The following COL22A1 variants were observed in gnomAD, a reference collection of about 807,000 sequenced individuals.
COL22A1 encodes collagen type XXII alpha 1 chain, also known as collagen alpha-1(XXII) chain.
Under a neutral mutation model 248.9 loss-of-function variants are expected in COL22A1, and 221 were observed. That is an observed-to-expected ratio of 0.89 (90% CI 0.80 to 0.99). COL22A1 has a LOEUF of 0.99. Ranked by LOEUF, COL22A1 falls within the 50% of genes least tolerant of loss-of-function variation. COL22A1 has a pLI of 0.00. For synonymous variants in COL22A1, 891 were observed against 793.4 expected (o/e 1.12, Z -2.07); for missense variants, 2,240 against 2,179.0 (o/e 1.03, Z -0.56).
chr8:138,737,915 CT>C (rs1831247307), intron 22 of COL22A1, among the ~76,000 whole-genome samples: 1 of 152,136 alleles, frequency 6.6e-6, no homozygotes, highest in African/African-American at 2.4e-5. Context: ...TTGGAAACAA[CT>C]AATCTTACTA....
At chr8:138,709,401 A>C (rs1426935518) in intron 30 of COL22A1, among the ~76,000 whole-genome samples, 1 of 152,126 alleles carries the variant, frequency 6.6e-6, no homozygotes, top group Non-Finnish European at 1.5e-5. Flanking sequence ...ATGTCCATCA[A>C]TGATAGACTG....
At chr8:138,793,073 C>T (rs764078905) in intron 12 of COL22A1, among the ~76,000 whole-genome samples, 10 of 152,102 alleles carry the variant, frequency 6.6e-5, no homozygotes, top group Non-Finnish European at 1.2e-4. Context: ...TGCACATTGC[C>T]GCAGTGGTTA....
chr8:138,691,236 A>T (rs1826825236), intron 35 of COL22A1, among the ~76,000 whole-genome samples: 1 of 152,248 alleles, frequency 6.6e-6, no homozygotes, highest in African/African-American at 2.4e-5. Context: ...TGCATGAGGA[A>T]AAGGAAACAT....
chr8:138,795,644 TCTC>T (rs987283983), intron 12 of COL22A1, among the ~76,000 whole-genome samples: 17 of 152,168 alleles, frequency 1.1e-4, no homozygotes, highest in Admixed American at 3.3e-4. Flanking sequence ...CATTAGTTCT[TCTC>T]CTAAATGTCA....
intron 11 of COL22A1, among the ~76,000 whole-genome samples, chr8:138,799,903 G>A (rs1474170165): frequency 6.6e-6 from 1 of 152,106 alleles, no homozygotes; most frequent in African/African-American, 2.4e-5. Flanking sequence ...ACTAGCTTTG[G>A]TAAAGTTGTG....
Position 138,895,515 on chromosome 8 carries a change from T to C in COL22A1, c.-72-12271A>G, listed in dbSNP as rs191706066. Among the ~76,000 whole-genome samples, 440 of 151,564 alleles carry C rather than the reference T, an allele frequency of 2.9e-3. 4 individuals carry two copies. Among genetic ancestry groups the C allele is most frequent in the African/African-American group, 0.01 (430 of 41,284 alleles). On this transcript the variant is annotated intron_variant, in intron 1 of 64. Transcript: ENST00000303045. ...ACTAAAAAAAAATACAATAACAACA[T>C]TTAGAAAACATAGAGCAGGCCTAAA...
At chr8:138,652,427 T>G (rs943417866) in intron 45 of COL22A1, among the ~76,000 whole-genome samples, 5 of 152,204 alleles carry the variant, frequency 3.3e-5, no homozygotes, top group Non-Finnish European at 5.9e-5. Context: ...GTTTTGTTTA[T>G]TTTCCTCCCT....
chr8:138,802,585 C>A (rs570723751), intron 11 of COL22A1, among the ~76,000 whole-genome samples: 4 of 151,996 alleles, frequency 2.6e-5, no homozygotes, highest in Non-Finnish European at 5.9e-5. Flanking sequence ...AGGAAGGGCA[C>A]AACAAAATGA....
At chr8:138,821,542 T>A (rs529338117) in intron 6 of COL22A1, 131 bp from the exon 7 acceptor site, 2 of 889,262 alleles carry the variant, frequency 2.2e-6, no homozygotes, top group African/African-American at 1.7e-5. Flanking sequence ...TACCAGCTGG[T>A]CACCTGCCAC....
intron 3 of COL22A1, among the ~76,000 whole-genome samples, chr8:138,847,316 TA>T (rs1821315371): frequency 6.6e-6 from 1 of 152,212 alleles, no homozygotes; most frequent in African/African-American, 2.4e-5. Context: ...TGGGGTTCGT[TA>T]TGATTTTGAT....
Position 138,778,509 on chromosome 8 carries a change from G to A in COL22A1, c.1705-103C>T, listed in dbSNP as rs116374444. 1,026 of 1,032,038 alleles carry A rather than the reference G, an allele frequency of 9.9e-4. 11 individuals are homozygous for A. In the African/African-American group the frequency reaches 0.015, roughly 15 times the overall value. 63.9% of individuals were successfully genotyped at this position (1,032,038 alleles called of 1,614,324 possible). On this transcript the variant is annotated intron_variant, in intron 14 of 64. Transcript: ENST00000303045. ...CCACGTTTGGTGACAAGAGCTGCTA[G>A]CTCACCTCTCACCAAGTGCTGCCCA...
At chr8:138,646,880 G>A (rs1234228027) in intron 46 of COL22A1, among the ~76,000 whole-genome samples, 198 bp from the exon 47 acceptor site, 1 of 152,124 alleles carries the variant, frequency 6.6e-6, no homozygotes, top group Non-Finnish European at 1.5e-5. Flanking sequence ...GTGCAACCAT[G>A]GCATGACCCA....
chr8:138,832,783 T>C (rs967482879), intron 5 of COL22A1, among the ~76,000 whole-genome samples: 10 of 152,158 alleles, frequency 6.6e-5, no homozygotes, highest in Admixed American at 6.5e-4. Context: ...GAATGAATGA[T>C]TAATGCCAAA....
At chr8:138,877,465 T>C (rs1413684621) in intron 3 of COL22A1, among the ~76,000 whole-genome samples, 1 of 152,076 alleles carries the variant, frequency 6.6e-6, no homozygotes, top group Admixed American at 6.6e-5. Context: ...TTAGAACCCA[T>C]CCCTCTTTCA....
In COL22A1 at chr8:138,660,547, C is replaced by T. The variant is rs1036298304; in HGVS notation, c.3241-67G>A. On this transcript the variant is annotated intron_variant, in intron 43 of 64. Transcript: ENST00000303045. ...ACGATCCTGACCCACTCTACCCACACCCTCTGCCAATCTCTCTATCTGCTA... is the reference window on the plus strand; with the variant it reads ...ACGATCCTGACCCACTCTACCCACATCCTCTGCCAATCTCTCTATCTGCTA... 1.3e-5 allele frequency: 18 copies of T among 1,402,398 alleles called. No individual in the cohort carries two copies. In the Admixed American group the frequency reaches 2.2e-4, roughly 17 times the overall value. The allele number at this position is 1,402,398 out of a possible 1,614,324, so 86.9% of individuals were successfully genotyped here. A position where few individuals can be genotyped will look rare whatever the true frequency, so the allele number is the denominator to read the frequency against.
At chr8:138,765,197 C>T (rs1197267539) in intron 16 of COL22A1, among the ~76,000 whole-genome samples, 1 of 152,186 alleles carries the variant, frequency 6.6e-6, no homozygotes, top group African/African-American at 2.4e-5. Context: ...GCGCCAGAAC[C>T]GGCCCTCCTG....
intron 11 of COL22A1, among the ~76,000 whole-genome samples, chr8:138,800,727 T>G (rs994821919): frequency 6.6e-6 from 1 of 152,102 alleles, no homozygotes. Context: ...AGTACAACCA[T>G]GTTTGTTCTC....
At chr8:138,890,646 A>G (rs1824997512) in intron 1 of COL22A1, among the ~76,000 whole-genome samples, 1 of 152,126 alleles carries the variant, frequency 6.6e-6, no homozygotes, top group South Asian at 2.1e-4. Flanking sequence ...GGAAAAACCC[A>G]AATAATACCC....
chr8:138,734,523 T>C (rs1486289434), intron 23 of COL22A1, among the ~76,000 whole-genome samples: 1 of 152,162 alleles, frequency 6.6e-6, no homozygotes, highest in Non-Finnish European at 1.5e-5. Context: ...CTGAGATGCA[T>C]AGAAACCCAG....
Sources: allele counts gnomAD v4.1 joint callset (sites outside exome capture counted in the v4.1 genomes callset), GRCh38; gene constraint gnomAD v4.1.1; transcripts MANE v1.5; gene names NCBI Gene and HGNC (gene_info 2026-07-23, HGNC 2026-07-21).